GPHN: variants seen among roughly 807,000 people sequenced by gnomAD.
GPHN encodes the protein gephyrin.
GPHN carries 17 observed loss-of-function variants against 95.5 expected under a neutral mutation model. That is an observed-to-expected ratio of 0.18 (90% CI 0.12 to 0.27). The LOEUF is 0.27. Ranked by LOEUF, GPHN falls within the 10% of genes least tolerant of loss-of-function variation. GPHN has a pLI of 1.00. For missense variants in GPHN, 660 were observed against 978.1 expected, an observed-to-expected ratio of 0.67 and a Z score of 4.34; for synonymous variants, 320 against 322.5, an observed-to-expected ratio of 0.99 and a Z score of 0.08.
At chr14:67,279,129 A>C in the GPHN span, 1 of 1,500,434 alleles carries the variant, frequency 6.7e-7, no homozygotes, top group South Asian at 1.4e-5. Context: ...CTTATAGGAA[A>C]AATTGATTTA....
the GPHN span, chr14:67,208,452 A>G: frequency 4.3e-6 from 7 of 1,611,394 alleles, no homozygotes; most frequent in Non-Finnish European, 5.9e-6. Context: ...GAATCCAGGT[A>G]TGTGAGGCAG....
the GPHN span, among the ~76,000 whole-genome samples, chr14:67,190,931 G>A: frequency 2.0e-5 from 3 of 152,194 alleles, no homozygotes; most frequent in East Asian, 3.9e-4. Flanking sequence ...GGTAAATGCT[G>A]TCATTTAAGA....
At chr14:67,618,287 C>T in the GPHN span, among the ~76,000 whole-genome samples, 3 of 152,230 alleles carry the variant, frequency 2.0e-5, no homozygotes, top group South Asian at 2.1e-4. Context: ...TCTGTAAATT[C>T]GCGAGTGGGG....
the GPHN span, among the ~76,000 whole-genome samples, chr14:67,322,771 G>A: frequency 1.3e-5 from 2 of 152,108 alleles, no homozygotes; most frequent in Non-Finnish European, 2.9e-5. Flanking sequence ...AAAGAACTCA[G>A]CATATTGTTT....
chr14:67,687,467 CTTTT>C, the GPHN span, among the ~76,000 whole-genome samples: 4 of 79,702 alleles, frequency 5.0e-5, no homozygotes, highest in Non-Finnish European at 5.2e-5. Flanking sequence ...CTCCATATTC[CTTTT>C]TTTTTTTTTT....
the GPHN span, chr14:67,646,337 T>A: frequency 4.8e-5 from 16 of 334,016 alleles, no homozygotes; most frequent in African/African-American, 3.0e-4. Context: ...AAGTCAGTAA[T>A]GTGCAATGGG....
At chr14:66,993,595 C>T (rs887059991) in intron 9 of GPHN, among the ~76,000 whole-genome samples, 4 of 152,102 alleles carry the variant, frequency 2.6e-5, no homozygotes, top group Non-Finnish European at 2.9e-5. Context: ...GGAAAAGATA[C>T]ACTGACATGA....
the GPHN span, chr14:67,648,264 G>A: frequency 1.4e-6 from 2 of 1,472,456 alleles, no homozygotes; most frequent in Non-Finnish European, 1.8e-6. Flanking sequence ...GATCTTTTCT[G>A]CTATTCCACA....
chr14:67,345,945 A>G, the GPHN span: 1 of 883,900 alleles, frequency 1.1e-6, no homozygotes, highest in East Asian at 2.5e-5. Flanking sequence ...AAAAGGAGAT[A>G]ATTCAGAATA....
the GPHN span, among the ~76,000 whole-genome samples, chr14:67,491,527 C>T: frequency 3.3e-5 from 5 of 152,200 alleles, no homozygotes; most frequent in African/African-American, 1.2e-4. Flanking sequence ...TAACAAAAGA[C>T]ATTCCTTTCA....
At chr14:67,204,830 A>G in the GPHN span, 3 of 1,614,020 alleles carry the variant, frequency 1.9e-6, no homozygotes, top group African/African-American at 1.3e-5. Context: ...CTGACCCCGT[A>G]CATGTATGCA....
At chr14:66,785,164 T>A (rs936363799) in intron 3 of GPHN, among the ~76,000 whole-genome samples, 6 of 152,046 alleles carry the variant, frequency 3.9e-5, no homozygotes, top group African/African-American at 1.4e-4. Context: ...GGTCGGGAGT[T>A]CTAGACCAGC....
chr14:66,949,673 A>T (rs2067973413), intron 8 of GPHN, among the ~76,000 whole-genome samples: 1 of 152,156 alleles, frequency 6.6e-6, no homozygotes, highest in Non-Finnish European at 1.5e-5. Context: ...TAGCTACCCA[A>T]CATTAAATTC....
At chr14:67,385,226 A>T in the GPHN span, 1 of 152,216 alleles carries the variant, frequency 6.6e-6, no homozygotes, top group Admixed American at 6.5e-5. Flanking sequence ...CAAGATACAT[A>T]TGAGGACAAG....
intron 1 of GPHN, among the ~76,000 whole-genome samples, chr14:66,581,481 A>G (rs1437957014): frequency 6.6e-6 from 1 of 152,052 alleles, no homozygotes; most frequent in Non-Finnish European, 1.5e-5. Context: ...ACAGCAAGAA[A>G]GGAAGAAAGA....
At chr14:67,051,029 G>T (rs1392737836) in intron 10 of GPHN, among the ~76,000 whole-genome samples, 9 of 145,682 alleles carry the variant, frequency 6.2e-5, no homozygotes, top group Admixed American at 4.8e-4. Flanking sequence ...CCCAAGCACA[G>T]AACTGTGCAG....
chr14:67,506,356 C>T, the GPHN span, among the ~76,000 whole-genome samples: 1 of 152,150 alleles, frequency 6.6e-6, no homozygotes, highest in Non-Finnish European at 1.5e-5. Context: ...GAACTAATCC[C>T]ACTGGATAAA....
At chr14:66,819,887 T>C (rs570644604) in intron 3 of GPHN, among the ~76,000 whole-genome samples, 3 of 152,146 alleles carry the variant, frequency 2.0e-5, no homozygotes, top group Non-Finnish European at 2.9e-5. Flanking sequence ...GACATAGCTA[T>C]TTAAACAATT....
the GPHN span, among the ~76,000 whole-genome samples, chr14:67,310,484 G>T: frequency 6.6e-6 from 1 of 152,180 alleles, no homozygotes; most frequent in Non-Finnish European, 1.5e-5. Context: ...AAAGAGACCA[G>T]GTGGGGCCTC....
Sources: allele counts gnomAD v4.1 joint callset (sites outside exome capture counted in the v4.1 genomes callset), GRCh38; gene constraint gnomAD v4.1.1; transcripts MANE v1.5; gene names NCBI Gene and HGNC (gene_info 2026-07-23, HGNC 2026-07-21).